The following ROBO1 variants were observed in gnomAD, a reference collection of about 807,000 sequenced individuals.
ROBO1 encodes the protein roundabout guidance receptor 1.
In ROBO1, 149 loss-of-function variants were observed where a neutral mutation model predicts 195.9. The ratio of observed to expected loss-of-function variants is 0.76; its 90% CI spans 0.67 to 0.87. The LOEUF (loss-of-function observed/expected upper bound fraction) is 0.87, where lower values mean the gene tolerates loss of function less well. Ranked by LOEUF, ROBO1 falls within the 40% of genes least tolerant of loss-of-function variation. The pLI, the probability that ROBO1 is intolerant of heterozygous loss-of-function variation, is 0.00. For missense variants in ROBO1, 1,933 were observed against 2,068.3 expected (o/e 0.93, Z 1.27); for synonymous variants, 816 against 733.2 (o/e 1.11, Z -1.82).
At chr3:79,347,619 C>T (rs963992136) in intron 2 of ROBO1, among the ~76,000 whole-genome samples, 2 of 152,092 alleles carry the variant, frequency 1.3e-5, no homozygotes, top group African/African-American at 2.4e-5. Flanking sequence ...CAACTACAGA[C>T]AATAAGTGTC....
intron 1 of ROBO1, among the ~76,000 whole-genome samples, chr3:79,721,467 T>C (rs934681401): frequency 6.6e-6 from 1 of 152,108 alleles, no homozygotes; most frequent in African/African-American, 2.4e-5. Context: ...GTTTTACAAA[T>C]AGGAGGAAAC....
chr3:78,942,313 G>A (rs2040185450), intron 3 of ROBO1, among the ~76,000 whole-genome samples: 1 of 151,970 alleles, frequency 6.6e-6, no homozygotes, highest in Non-Finnish European at 1.5e-5. Flanking sequence ...ATAAAGAAAG[G>A]AAGAAACCTG....
At chr3:79,324,835 A>G (rs940085434) in intron 2 of ROBO1, among the ~76,000 whole-genome samples, 1 of 152,204 alleles carries the variant, frequency 6.6e-6, no homozygotes, top group Admixed American at 6.5e-5. Flanking sequence ...TTACGTTCTG[A>G]TGTATGCTTT....
intron 2 of ROBO1, among the ~76,000 whole-genome samples, chr3:79,576,905 C>T (rs1352044276): frequency 2.0e-5 from 3 of 152,140 alleles, no homozygotes; most frequent in Non-Finnish European, 2.9e-5. Context: ...ATCCAGAGAA[C>T]GTTAACAATT....
At chr3:79,165,471 G>A (rs933696795) in intron 2 of ROBO1, among the ~76,000 whole-genome samples, 7 of 152,166 alleles carry the variant, frequency 4.6e-5, no homozygotes, top group African/African-American at 1.4e-4. Flanking sequence ...TCCATTATTT[G>A]TCAGAAGGAG....
chr3:79,222,419 G>T (rs1328192132), intron 2 of ROBO1, among the ~76,000 whole-genome samples: 1 of 151,660 alleles, frequency 6.6e-6, no homozygotes, highest in Non-Finnish European at 1.5e-5. Context: ...TCTTCATTAG[G>T]CTGAAAATGT....
intron 2 of ROBO1, among the ~76,000 whole-genome samples, chr3:79,235,614 T>C (rs1405786948): frequency 6.6e-6 from 1 of 152,168 alleles, no homozygotes; most frequent in East Asian, 1.9e-4. Flanking sequence ...TATAGCTTCC[T>C]GGAGGATCAT....
chr3:79,693,692 C>A (rs1022019744), intron 1 of ROBO1, among the ~76,000 whole-genome samples: 2 of 151,734 alleles, frequency 1.3e-5, no homozygotes, highest in African/African-American at 2.4e-5. Flanking sequence ...CCCCCTTCGA[C>A]CTTCCAAAGC....
chr3:79,357,744 T>C (rs1447964856), intron 2 of ROBO1, among the ~76,000 whole-genome samples: 1 of 152,100 alleles, frequency 6.6e-6, no homozygotes, highest in Non-Finnish European at 1.5e-5. Flanking sequence ...AATTTTGACT[T>C]TGTTTTATGT....
At chr3:79,066,938 C>T (rs1244007827) in intron 3 of ROBO1, among the ~76,000 whole-genome samples, 7 of 151,766 alleles carry the variant, frequency 4.6e-5, no homozygotes, top group South Asian at 4.1e-4. Flanking sequence ...AAACAGTAAG[C>T]GGTACAGGAG....
chr3:79,355,219 T>C (rs1559840755), intron 2 of ROBO1, among the ~76,000 whole-genome samples: 1 of 152,164 alleles, frequency 6.6e-6, no homozygotes, highest in East Asian at 1.9e-4. Flanking sequence ...AATGAAATCA[T>C]TGCTTTATTT....
At chr3:79,444,705 G>T (rs545285063) in intron 2 of ROBO1, among the ~76,000 whole-genome samples, 1 of 151,756 alleles carries the variant, frequency 6.6e-6, no homozygotes, top group South Asian at 2.1e-4. Flanking sequence ...AAATAATGGC[G>T]AATCAAATGT....
chr3:78,617,489 T>C, intron 27 of ROBO1, 146 bp downstream of exon 27: 1 of 681,694 alleles, frequency 1.5e-6, no homozygotes, highest in Non-Finnish European at 2.2e-6. Context: ...TCTTGGACTG[T>C]CATTTCCTTA....
At chr3:79,382,002 T>C (rs1293001896) in intron 2 of ROBO1, among the ~76,000 whole-genome samples, 2 of 152,170 alleles carry the variant, frequency 1.3e-5, no homozygotes, top group Non-Finnish European at 2.9e-5. Flanking sequence ...TACTTAGATA[T>C]CTTTAATCTG....
chr3:79,216,749 G>T (rs1435991948), intron 2 of ROBO1, among the ~76,000 whole-genome samples: 1 of 151,946 alleles, frequency 6.6e-6, no homozygotes, highest in Non-Finnish European at 1.5e-5. Flanking sequence ...TGAGTTAGAA[G>T]AAAATAATAA....
intron 2 of ROBO1, among the ~76,000 whole-genome samples, chr3:79,435,120 A>C (rs1326585838): frequency 1.3e-5 from 2 of 152,304 alleles, no homozygotes; most frequent in South Asian, 2.1e-4. Context: ...ATAAATGACC[A>C]ATTAATGGGT....
chr3:79,725,150 A>G (rs1351266154), intron 1 of ROBO1, among the ~76,000 whole-genome samples: 2 of 151,804 alleles, frequency 1.3e-5, no homozygotes, highest in Non-Finnish European at 1.5e-5. Context: ...ATGCCAGTCT[A>G]CTACTGGAGG....
At chr3:79,171,694 TACTTGTTACATAAAAAAA>T (rs1282972951) in intron 2 of ROBO1, among the ~76,000 whole-genome samples, 3 of 152,110 alleles carry the variant, frequency 2.0e-5, no homozygotes, top group Admixed American at 2.0e-4. Flanking sequence ...ACTTTTGTCT[TACTTGTTACATAAAAAAA>T]ATCAACTAAC....
chr3:78,924,882 T>A (rs1232392528), intron 4 of ROBO1, among the ~76,000 whole-genome samples: 1 of 152,068 alleles, frequency 6.6e-6, no homozygotes, highest in African/African-American at 2.4e-5. Context: ...TAAATTGTTT[T>A]ACATTTACAT....
Sources: gnomAD v4.1 joint callset for allele counts (sites outside exome capture counted in the v4.1 genomes callset) on GRCh38, gnomAD v4.1.1 for gene constraint, MANE v1.5 for transcripts, NCBI Gene and HGNC (gene_info 2026-07-23, HGNC 2026-07-21) for gene names.